The following ATP2C2 variants were observed in gnomAD, a reference collection of about 807,000 sequenced individuals.
The protein encoded by ATP2C2 is ATPase secretory pathway Ca2+ transporting 2.
In ATP2C2, 171 loss-of-function variants were observed where a neutral mutation model predicts 110.8. That is an observed-to-expected ratio of 1.54 (90% confidence interval 1.36 to 1.75). The LOEUF (loss-of-function observed/expected upper bound fraction) is 1.75, where lower values mean the gene tolerates loss of function less well. Among genes scored for constraint, ATP2C2 ranks in the 40% most tolerant of loss-of-function variants. The probability of loss-of-function intolerance (pLI) is 0.00; values close to 1 mark genes in which losing one functional copy is unlikely to be tolerated. For synonymous variants in ATP2C2, 804 were observed against 508.4 expected (o/e 1.58, Z -7.82); for missense variants, 1,963 against 1,235.0 (o/e 1.59, Z -8.84).
chr16:84,371,323 C>T (rs1909941196), intron 1 of ATP2C2, among the ~76,000 whole-genome samples: 1 of 152,124 alleles, frequency 6.6e-6, no homozygotes, highest in Non-Finnish European at 1.5e-5. Flanking sequence ...TCAAGATCAG[C>T]CTGGGCAACA....
intron 24 of ATP2C2, chr16:84,461,412 G>A (rs1911324125): frequency 1.9e-6 from 1 of 524,704 alleles, no homozygotes; most frequent in African/African-American, 1.9e-5. Context: ...CTTCACTCTG[G>A]GTTTAACTGG....
At chr16:84,392,875 C>G (rs1904743029) in intron 1 of ATP2C2, among the ~76,000 whole-genome samples, 1 of 152,210 alleles carries the variant, frequency 6.6e-6, no homozygotes, top group Non-Finnish European at 1.5e-5. Flanking sequence ...TGTCTATTAT[C>G]TCCAGTATTT....
In ATP2C2 at chr16:84,439,162, C is replaced by T. The variant is rs370709927; in HGVS notation, c.987-4C>T. On this transcript the variant is annotated splice_region_variant and splice_polypyrimidine_tract_variant and intron_variant, in intron 11 of 26. Transcript: ENST00000262429. ...GAGGGGACTCATTTGACCTTTCGATCCAGCCTGGCTGTGGCGGCCATTCCA... is the reference window on the plus strand; with the variant it reads ...GAGGGGACTCATTTGACCTTTCGATTCAGCCTGGCTGTGGCGGCCATTCCA... 6.2e-7 allele frequency: 1 copy of T among 1,612,162 alleles called. No individual in the cohort carries two copies. Among genetic ancestry groups the T allele is most frequent in the South Asian group, 1.1e-5 (1 of 90,964 alleles).
rs12926821 is a variant in ATP2C2 at position 84,460,759 on chromosome 16, G to C, written c.2439G>C (p.Ala813=). ...RALILKILMS[A]AIIISGTLFI... ...TCATCCTGAAGATCCTCATGTCCGCGGCCATCATCATCAGCGGGACCCTCT... is the reference window on the plus strand; with the variant it reads ...TCATCCTGAAGATCCTCATGTCCGCCGCCATCATCATCAGCGGGACCCTCT... Residue 813 remains alanine, a synonymous_variant, in exon 24 of 27, where the codon GCG becomes GCC. Transcript: ENST00000262429. The C allele has an allele frequency of 1.9e-6, 3 of 1,613,898 alleles. No individual in the cohort carries two copies. Among genetic ancestry groups the C allele is most frequent in the East Asian group, 2.2e-5 (1 of 44,882 alleles).
chr16:84,440,748 G>A (rs959660273), intron 13 of ATP2C2, 109 bp from the exon 14 acceptor site: 26 of 794,218 alleles, frequency 3.3e-5, no homozygotes, highest in East Asian at 2.6e-4. Flanking sequence ...CCCTGTCCAC[G>A]TTTAGGATTG....
chr16:84,415,018 C>G (rs1308078290), intron 6 of ATP2C2, among the ~76,000 whole-genome samples: 1 of 152,098 alleles, frequency 6.6e-6, no homozygotes, highest in African/African-American at 2.4e-5. Context: ...GGAAGCATAT[C>G]CGTAGTCTGA....
chr16:84,404,516 A>G (rs574535485), intron 2 of ATP2C2: 1 of 180,054 alleles, frequency 5.6e-6, no homozygotes, highest in South Asian at 1.2e-4. Flanking sequence ...ATGTTGTAGC[A>G]CGTGTCAGCA....
chr16:84,452,408 C>T (rs1164558317), intron 18 of ATP2C2, among the ~76,000 whole-genome samples: 1 of 151,918 alleles, frequency 6.6e-6, no homozygotes, highest in East Asian at 1.9e-4. Flanking sequence ...CCTTCTGCCT[C>T]TAGCTGTGTA....
At chr16:84,436,756 G>A (rs540099766) in intron 11 of ATP2C2, among the ~76,000 whole-genome samples, 104 of 130,608 alleles carry the variant, frequency 8.0e-4, no homozygotes, top group African/African-American at 2.8e-3. Context: ...CATCGCCAGC[G>A]AAGGCTGTTT....
intron 18 of ATP2C2, among the ~76,000 whole-genome samples, chr16:84,452,861 G>GAATC (rs1910421757): frequency 6.6e-6 from 1 of 152,140 alleles, no homozygotes. Flanking sequence ...ACGGGCTTTG[G>GAATC]AATCAGAGCC....
rs1343566640 is a variant in ATP2C2, at chr16:84,463,943, C to G, written c.*211C>G. On this transcript the variant is annotated 3_prime_UTR_variant, in exon 27 of 27. Coordinates refer to ENST00000262429, the MANE Select transcript of ATP2C2 (RefSeq NM_014861.4). ...GCGTTCCCGCTGGCTGTGGGACAGA[C>G]AGGGAGGGGCCTGTACAGAAACACC... is the stretch of plus-strand genomic sequence containing the variant. 5.4e-6 allele frequency: 3 copies of G among 556,538 alleles called. No homozygotes were observed. Among genetic ancestry groups the G allele is most frequent in the African/African-American group, 1.9e-5 (1 of 53,118 alleles). The allele number at this position is 556,538 out of a possible 1,614,324, so 34.5% of individuals were successfully genotyped here.
intron 9 of ATP2C2, 77 bp downstream of exon 9, chr16:84,422,774 GCCTACT>G: frequency 7.0e-7 from 1 of 1,436,624 alleles, no homozygotes; most frequent in Non-Finnish European, 9.5e-7. Flanking sequence ...TACCAGCCTT[GCCTACT>G]CCTTAGGAAT....
intron 26 of ATP2C2, chr16:84,462,395 G>A (rs989645413): frequency 2.7e-5 from 11 of 402,618 alleles, no homozygotes; most frequent in East Asian, 8.2e-5. Context: ...CATCCCAGGC[G>A]TCGGGCTGGA....
intron 1 of ATP2C2, among the ~76,000 whole-genome samples, chr16:84,391,701 C>T (rs1016153419): frequency 1.3e-5 from 2 of 152,134 alleles, no homozygotes; most frequent in African/African-American, 4.8e-5. Context: ...GGAACGTGGC[C>T]CTGCCAGCAT....
rs199706243 is a variant in ATP2C2 at position 84,423,186 on chromosome 16, A to T, written c.844-2A>T. On this transcript the variant is annotated splice_acceptor_variant, in intron 9 of 26. Transcript: ENST00000262429. LOFTEE classifies it high-confidence loss of function. ...ACTAACCCATTGTGCTCACCCTTTC[A>T]GACACCTAAAACTCCTTTGCAGAAA... is the stretch of plus-strand genomic sequence containing the variant. 5.6e-6 allele frequency: 9 copies of T among 1,613,710 alleles called. No homozygotes were observed. The highest frequency in any genetic ancestry group is 7.6e-6 in the Non-Finnish European group (9 of 1,179,724).
intron 1 of ATP2C2, among the ~76,000 whole-genome samples, chr16:84,374,704 A>G (rs1230704651): frequency 2.0e-5 from 3 of 152,158 alleles, no homozygotes; most frequent in Non-Finnish European, 4.4e-5. Flanking sequence ...TTGTGTGCAC[A>G]CAAATTGTTT....
intron 21 of ATP2C2, among the ~76,000 whole-genome samples, chr16:84,455,430 C>A (rs1392447506): frequency 6.6e-6 from 1 of 152,196 alleles, no homozygotes; most frequent in Non-Finnish European, 1.5e-5. Flanking sequence ...ATACATATAT[C>A]TCAGGCATTG....
chr16:84,399,679 A>T (rs1251254315), intron 2 of ATP2C2, among the ~76,000 whole-genome samples: 1 of 152,178 alleles, frequency 6.6e-6, no homozygotes, highest in Non-Finnish European at 1.5e-5. Context: ...TTCCAGAGAT[A>T]CTTTGATACA....
At chr16:84,397,043 C>A (rs556338869) in intron 1 of ATP2C2, among the ~76,000 whole-genome samples, 9 of 152,020 alleles carry the variant, frequency 5.9e-5, no homozygotes, top group African/African-American at 1.9e-4. Context: ...ACCTCTCCTG[C>A]TTCCTTTTTC....
Sources: gnomAD v4.1 joint callset for allele counts (sites outside exome capture counted in the v4.1 genomes callset) on GRCh38, gnomAD v4.1.1 for gene constraint, MANE v1.5 for transcripts, NCBI Gene and HGNC (gene_info 2026-07-23, HGNC 2026-07-21) for gene names.